SERTM1: variants seen among roughly 807,000 people sequenced by gnomAD.
The protein encoded by SERTM1 is serine rich and transmembrane domain containing 1.
A neutral mutation model predicts 5.5 loss-of-function variants in SERTM1; 1 was observed. That is an observed-to-expected ratio of 0.18 (90% confidence interval 0.06 to 0.86). The LOEUF (loss-of-function observed/expected upper bound fraction) is 0.86, where lower values mean the gene tolerates loss of function less well. Among genes scored for constraint, SERTM1 ranks in the 40% least tolerant of loss-of-function variants. The probability of loss-of-function intolerance (pLI) is 0.69; values close to 1 mark genes in which losing one functional copy is unlikely to be tolerated. For missense variants in SERTM1, 91 were observed against 122.4 expected (o/e 0.74, Z 1.21); for synonymous variants, 52 against 55.1 (o/e 0.94, Z 0.25).
chr13:36,695,095 C>G lies in SERTM1; in HGVS notation c.17C>G (p.Thr6Ser). 3 of 1,613,580 alleles carry G rather than the reference C, an allele frequency of 1.9e-6. No individual in the cohort carries two copies. Among genetic ancestry groups the G allele is most frequent in the Non-Finnish European group, 2.5e-6 (3 of 1,179,706 alleles). The stretch of plus-strand genomic sequence containing the variant: ...TCCATAAAGATGTCTGAACCTGACA[C>G]TTCCTCAGGATTTTCGGGAAGTGTG... Reference protein sequence around the residue: MSEPDTSSGFSGSVEN... With the variant: MSEPDSSSGFSGSVEN... Residue 6 changes from threonine to serine, a missense_variant, in exon 2 of 2, where the codon ACT (threonine) becomes AGT (serine). Coordinates refer to ENST00000315190, the MANE Select transcript of SERTM1 (RefSeq NM_203451.3).
intron 1 of SERTM1, among the ~76,000 whole-genome samples, chr13:36,688,746 T>G (rs922579714): frequency 2.2e-4 from 33 of 152,326 alleles, no homozygotes; most frequent in Non-Finnish European, 1.8e-4. Context: ...TTTACCTTCT[T>G]TCTTCCCATT....
In SERTM1 at chr13:36,674,107, C is replaced by T. The variant is rs1170917167; in HGVS notation, c.-251C>T. ...ATTCCCGAGGACGGCTTCGCGGGCG[C>T]GTATCGTCCAGACCGGAGCACCGCC... On this transcript the variant is annotated 5_prime_UTR_variant, in exon 1 of 2. Coordinates refer to ENST00000315190, the MANE Select transcript of SERTM1 (RefSeq NM_203451.3). The T allele has an allele frequency of 6.6e-6, 1 of 152,244 alleles. No individual in the cohort carries two copies. Among genetic ancestry groups the T allele is most frequent in the East Asian group, 1.9e-4 (1 of 5,170 alleles). 9.4% of individuals were successfully genotyped at this position (152,244 alleles called of 1,614,324 possible).
intron 1 of SERTM1, among the ~76,000 whole-genome samples, chr13:36,688,187 T>C (rs1190841395): frequency 1.3e-5 from 2 of 151,894 alleles, no homozygotes; most frequent in African/African-American, 2.4e-5. Context: ...TAGCACGGCA[T>C]GGTTTTATGA....
At chr13:36,684,251 C>G (rs552852743) in intron 1 of SERTM1, among the ~76,000 whole-genome samples, 2 of 151,880 alleles carry the variant, frequency 1.3e-5, no homozygotes, top group African/African-American at 4.8e-5. Flanking sequence ...GAGCTGAGAT[C>G]GCACCACTGC....
Position 36,695,665 on chromosome 13 carries a change from A to C in SERTM1, c.*263A>C, listed in dbSNP as rs1047249640. The C allele has an allele frequency of 1.4e-5, 7 of 513,952 alleles. No homozygotes were observed. Among genetic ancestry groups the C allele is most frequent in the Non-Finnish European group, 2.5e-5 (7 of 282,554 alleles). 31.8% of individuals were successfully genotyped at this position (513,952 alleles called of 1,614,324 possible). ...AATCTAGACTGGGCTTCTTCAGGTAAGTCAGTTCATTCTACTTTGTTGGAC... is the reference window on the plus strand; with the variant it reads ...AATCTAGACTGGGCTTCTTCAGGTACGTCAGTTCATTCTACTTTGTTGGAC... On this transcript the variant is annotated 3_prime_UTR_variant, in exon 2 of 2. Coordinates refer to ENST00000315190, the MANE Select transcript of SERTM1 (RefSeq NM_203451.3).
In SERTM1 at chr13:36,695,440, G is replaced by C; in HGVS notation, c.*38G>C. The C allele has an allele frequency of 6.6e-7, 1 of 1,507,622 alleles. No individual in the cohort carries two copies. The allele number at this position is 1,507,622 out of a possible 1,614,324, so 93.4% of individuals were successfully genotyped here. ...AGTCCTTGAGTGTGGCAGCAGTTTT[G>C]ACATCCCCTTACGGAAGTGTCCCGT... On this transcript the variant is annotated 3_prime_UTR_variant, in exon 2 of 2. Coordinates refer to ENST00000315190, the MANE Select transcript of SERTM1 (RefSeq NM_203451.3).
chr13:36,687,788 A>C (rs535447363), intron 1 of SERTM1, among the ~76,000 whole-genome samples: 111 of 152,306 alleles, frequency 7.3e-4, no homozygotes, highest in Non-Finnish European at 1.4e-3. Flanking sequence ...CAACGTAATA[A>C]GACATTTACA....
At chr13:36,674,323 C>T (rs1385728957) in intron 1 of SERTM1, 139 bp downstream of exon 1, 1 of 152,130 alleles carries the variant, frequency 6.6e-6, no homozygotes, top group African/African-American at 2.4e-5. Context: ...GATCTGGGCT[C>T]CCGGAGATGT....
At chr13:36,690,133 C>A (rs1667309611) in intron 1 of SERTM1, among the ~76,000 whole-genome samples, 1 of 152,152 alleles carries the variant, frequency 6.6e-6, no homozygotes, top group Non-Finnish European at 1.5e-5. Context: ...TCACATCACC[C>A]AATGGACGAT....
chr13:36,681,231 T>A (rs2056702961), intron 1 of SERTM1, among the ~76,000 whole-genome samples: 1 of 152,212 alleles, frequency 6.6e-6, no homozygotes, highest in African/African-American at 2.4e-5. Flanking sequence ...GTACTAGGCA[T>A]ACTTTTTAGT....
At chr13:36,680,580 CAT>C (rs1243629898) in intron 1 of SERTM1, among the ~76,000 whole-genome samples, 6 of 152,150 alleles carry the variant, frequency 3.9e-5, no homozygotes, top group African/African-American at 1.4e-4. Context: ...AAACAAGTGA[CAT>C]ATAAACAATG....
intron 1 of SERTM1, among the ~76,000 whole-genome samples, chr13:36,684,240 T>C (rs9603079): frequency 0.14 from 21,947 of 151,936 alleles, 1,674 homozygotes; most frequent in Non-Finnish European, 0.15. Flanking sequence ...GATGTTGCGG[T>C]GAGCTGAGAT....
chr13:36,692,349 A>T (rs1218356606), intron 1 of SERTM1, among the ~76,000 whole-genome samples: 2 of 152,242 alleles, frequency 1.3e-5, no homozygotes, highest in Non-Finnish European at 2.9e-5. Context: ...ACCCTGTAAA[A>T]TGATATTAAC....
At chr13:36,689,554 TC>T (rs1555284195) in intron 1 of SERTM1, among the ~76,000 whole-genome samples, 1 of 148,640 alleles carries the variant, frequency 6.7e-6, no homozygotes, top group Non-Finnish European at 1.5e-5. Context: ...ATAGTTTTTT[TC>T]CCCCAGAAAA....
chr13:36,674,560 C>T (rs2056658181), intron 1 of SERTM1, among the ~76,000 whole-genome samples: 1 of 152,076 alleles, frequency 6.6e-6, no homozygotes, highest in South Asian at 2.1e-4. Flanking sequence ...TGGATTCCTC[C>T]ATGCAAGTGT....
At chr13:36,693,294 C>A (rs1353380915) in intron 1 of SERTM1, among the ~76,000 whole-genome samples, 2 of 152,086 alleles carry the variant, frequency 1.3e-5, no homozygotes, top group Non-Finnish European at 1.5e-5. Context: ...CTATATTCCC[C>A]AAAGATGAAC....
At chr13:36,687,142 A>AGG (rs2056746399) in intron 1 of SERTM1, among the ~76,000 whole-genome samples, 1 of 152,212 alleles carries the variant, frequency 6.6e-6, no homozygotes, top group African/African-American at 2.4e-5. Context: ...GTAATCAACT[A>AGG]GGGTTCTATC....
intron 1 of SERTM1, among the ~76,000 whole-genome samples, chr13:36,693,381 T>C (rs985001762): frequency 2.0e-5 from 3 of 148,282 alleles, no homozygotes; most frequent in African/African-American, 7.5e-5. Flanking sequence ...CCACTGCGAT[T>C]CTTCTTCTTC....
At chr13:36,691,647 T>C (rs1345967022) in intron 1 of SERTM1, among the ~76,000 whole-genome samples, 2 of 152,066 alleles carry the variant, frequency 1.3e-5, no homozygotes, top group Admixed American at 1.3e-4. Context: ...AGCATCAAAA[T>C]CCCCATGTGG....
Sources: allele counts gnomAD v4.1 joint callset (sites outside exome capture counted in the v4.1 genomes callset), GRCh38; gene constraint gnomAD v4.1.1; transcripts MANE v1.5; gene names NCBI Gene and HGNC (gene_info 2026-07-23, HGNC 2026-07-21).